Variants in DLGAP1 observed in about 807,000 individuals in gnomAD.
DLGAP1 encodes the protein DLG associated protein 1.
A neutral mutation model predicts 90.8 loss-of-function variants in DLGAP1; 11 were observed. That is an observed-to-expected ratio of 0.12 (90% CI 0.08 to 0.20). The LOEUF (loss-of-function observed/expected upper bound fraction) is 0.20. Among genes scored for constraint, DLGAP1 ranks in the 10% least tolerant of loss-of-function variants. The pLI is 1.00. For missense variants in DLGAP1, 1,050 were observed against 1,333.8 expected, an observed-to-expected ratio of 0.79 and a Z score of 3.31; for synonymous variants, 558 against 540.7, an observed-to-expected ratio of 1.03 and a Z score of -0.44.
intron 1 of DLGAP1, among the ~76,000 whole-genome samples, chr18:4,412,288 C>T (rs1376018809): frequency 1.3e-5 from 2 of 152,168 alleles, no homozygotes; most frequent in African/African-American, 4.8e-5. Flanking sequence ...TCCCCACAAC[C>T]TCCTGGGCCT....
chr18:3,898,052 C>A (rs1322114292), intron 3 of DLGAP1, among the ~76,000 whole-genome samples: 1 of 152,128 alleles, frequency 6.6e-6, no homozygotes, highest in African/African-American at 2.4e-5. Flanking sequence ...CCTTGGCCTC[C>A]CAAAGTGCTG....
chr18:4,310,645 A>T (rs2080376356), intron 1 of DLGAP1, among the ~76,000 whole-genome samples: 1 of 152,208 alleles, frequency 6.6e-6, no homozygotes, highest in Non-Finnish European at 1.5e-5. Flanking sequence ...CTTTGGGAAC[A>T]AGAACCCTCT....
At chr18:4,248,417 C>T (rs529041326) in intron 1 of DLGAP1, among the ~76,000 whole-genome samples, 16 of 152,162 alleles carry the variant, frequency 1.1e-4, no homozygotes, top group African/African-American at 3.9e-4. Context: ...TTCTTTTCTT[C>T]TTTATTATTT....
chr18:3,765,275 C>T (rs965968111), intron 5 of DLGAP1, among the ~76,000 whole-genome samples: 11 of 150,908 alleles, frequency 7.3e-5, no homozygotes, highest in South Asian at 4.2e-4. Flanking sequence ...GAACTACAGG[C>T]GCCCGCCACC....
intron 1 of DLGAP1, among the ~76,000 whole-genome samples, chr18:4,304,762 C>T (rs1252013733): frequency 1.3e-5 from 2 of 152,104 alleles, no homozygotes; most frequent in Non-Finnish European, 2.9e-5. Context: ...GAAACCTCAT[C>T]TGTACTAAAA....
chr18:4,015,925 A>T (rs2074515658), intron 2 of DLGAP1, among the ~76,000 whole-genome samples: 1 of 152,248 alleles, frequency 6.6e-6, no homozygotes, highest in Non-Finnish European at 1.5e-5. Flanking sequence ...ACAAATCAAG[A>T]TATATAAAGG....
At chr18:4,021,044 A>G (rs540238586) in intron 2 of DLGAP1, among the ~76,000 whole-genome samples, 1 of 151,998 alleles carries the variant, frequency 6.6e-6, no homozygotes, top group East Asian at 1.9e-4. Context: ...TTCATCTCCA[A>G]CCCAAGCAAT....
At chr18:3,981,291 A>T (rs2073722829) in intron 3 of DLGAP1, among the ~76,000 whole-genome samples, 1 of 152,262 alleles carries the variant, frequency 6.6e-6, no homozygotes, top group Admixed American at 6.5e-5. Flanking sequence ...ACACTTCAGC[A>T]CAACTCAGCA....
intron 2 of DLGAP1, among the ~76,000 whole-genome samples, chr18:4,034,884 C>T: frequency 6.6e-6 from 1 of 151,726 alleles, no homozygotes; most frequent in East Asian, 1.9e-4. Context: ...CTTTCCCCTG[C>T]ACTAAATGCT....
chr18:3,934,963 G>C (rs1172494223), intron 3 of DLGAP1, among the ~76,000 whole-genome samples: 1 of 152,244 alleles, frequency 6.6e-6, no homozygotes, highest in African/African-American at 2.4e-5. Context: ...TCAGTGCTGT[G>C]TAGCCTGGAG....
At chr18:3,596,732 T>C (rs2056596961) in intron 7 of DLGAP1, 1 of 457,864 alleles carries the variant, frequency 2.2e-6, no homozygotes, top group South Asian at 1.5e-5. Context: ...GAGAAGAGAC[T>C]TCCTGGAGAA....
intron 5 of DLGAP1, among the ~76,000 whole-genome samples, chr18:3,769,850 G>GA (rs1326936849): frequency 1.3e-5 from 2 of 151,628 alleles, no homozygotes; most frequent in African/African-American, 2.4e-5. Flanking sequence ...ACGGTGGGTG[G>GA]GGGGGGAAAA....
intron 7 of DLGAP1, chr18:3,654,694 T>A (rs145514547): frequency 6.6e-6 from 1 of 152,208 alleles, no homozygotes; most frequent in Non-Finnish European, 1.5e-5. Flanking sequence ...GTGTCTCTTA[T>A]ATCGTTTTAG....
intron 1 of DLGAP1, among the ~76,000 whole-genome samples, chr18:4,196,193 T>C (rs769963673): frequency 6.6e-6 from 1 of 152,092 alleles, no homozygotes. Context: ...CTTACGGACA[T>C]TACAGTAAAG....
chr18:4,292,014 G>T (rs1477457957), intron 1 of DLGAP1, among the ~76,000 whole-genome samples: 1 of 152,098 alleles, frequency 6.6e-6, no homozygotes, highest in Non-Finnish European at 1.5e-5. Context: ...TACACACCGT[G>T]AATCAGTAGA....
At chr18:4,374,153 A>G (rs1437249004) in intron 1 of DLGAP1, among the ~76,000 whole-genome samples, 1 of 152,166 alleles carries the variant, frequency 6.6e-6, no homozygotes, top group Non-Finnish European at 1.5e-5. Flanking sequence ...CCAGGCAAAA[A>G]GACTATTTAT....
intron 7 of DLGAP1, among the ~76,000 whole-genome samples, chr18:3,689,009 ATCTATTTATGCATGTCTGCCTC>A (rs2060804115): frequency 6.6e-6 from 1 of 152,084 alleles, no homozygotes; most frequent in South Asian, 2.1e-4. Context: ...TGCATTCCTG[ATCTATTTATGCATGTCTGCCTC>A]TCTAGAAAGA....
At chr18:3,643,662 C>CAAAAAAA (rs538678987) in intron 7 of DLGAP1, among the ~76,000 whole-genome samples, 3 of 65,018 alleles carry the variant, frequency 4.6e-5, no homozygotes, top group East Asian at 4.0e-4. Context: ...GACTCCATCT[C>CAAAAAAA]AAAAAAAAAA....
chr18:4,192,776 G>A (rs4798200), intron 1 of DLGAP1, among the ~76,000 whole-genome samples: 18,547 of 152,152 alleles, frequency 0.12, 1,331 homozygotes, highest in South Asian at 0.27. Flanking sequence ...CAGACTAGAG[G>A]TGAGGTTAGA....
Sources: allele counts gnomAD v4.1 joint callset (sites outside exome capture counted in the v4.1 genomes callset), GRCh38; gene constraint gnomAD v4.1.1; transcripts MANE v1.5; gene names NCBI Gene and HGNC (gene_info 2026-07-23, HGNC 2026-07-21).